The following TTC7B variants were observed in gnomAD, a reference collection of about 807,000 sequenced individuals.
TTC7B encodes the protein tetratricopeptide repeat protein 7B.
A neutral mutation model predicts 106.8 loss-of-function variants in TTC7B; 28 were observed. The observed-to-expected ratio is 0.26, with a 90% CI of 0.19 to 0.36. The LOEUF (loss-of-function observed/expected upper bound fraction) is 0.36. Ranked by LOEUF, TTC7B falls within the 10% of genes least tolerant of loss-of-function variation. TTC7B has a pLI of 1.00. For missense variants in TTC7B, 862 were observed against 1,076.4 expected, an observed-to-expected ratio of 0.80 and a Z score of 2.79; for synonymous variants, 405 against 430.6, an observed-to-expected ratio of 0.94 and a Z score of 0.74.
chr14:90,532,419 T>A lies in TTC7B; in HGVS notation c.*8949A>T, dbSNP rs1233348653. 2 of 152,162 alleles carry A rather than the reference T, an allele frequency of 1.3e-5. No homozygotes were observed. Among genetic ancestry groups the A allele is most frequent in the African/African-American group, 4.8e-5 (2 of 41,440 alleles). 9.4% of individuals were successfully genotyped at this position (152,162 alleles called of 1,614,324 possible). A position where few individuals can be genotyped will look rare whatever the true frequency, so the allele number is the denominator to read the frequency against. Reference sequence around the variant, plus strand: ...CAATGTGAGGATGGGCCAGCCCTTTTGCAAACTGGCTGGGCCTAGTCATCT... The same window carrying A: ...CAATGTGAGGATGGGCCAGCCCTTTAGCAAACTGGCTGGGCCTAGTCATCT... On this transcript the variant is annotated 3_prime_UTR_variant, in exon 20 of 20. Transcript: ENST00000328459.
At chr14:90,777,808 T>C (rs773232874) in intron 3 of TTC7B, among the ~76,000 whole-genome samples, 27 of 152,298 alleles carry the variant, frequency 1.8e-4, no homozygotes, top group Non-Finnish European at 3.5e-4. Context: ...GGCCCGCAAT[T>C]GCCCTGTTAG....
At chr14:90,776,500 C>T (rs181622588) in intron 3 of TTC7B, among the ~76,000 whole-genome samples, 4 of 152,202 alleles carry the variant, frequency 2.6e-5, no homozygotes, top group Admixed American at 6.5e-5. Context: ...TACTGTGCTA[C>T]GACAACATCA....
At chr14:90,700,410 A>G (rs1176451159) in intron 5 of TTC7B, among the ~76,000 whole-genome samples, 1 of 151,990 alleles carries the variant, frequency 6.6e-6, no homozygotes, top group Non-Finnish European at 1.5e-5. Context: ...ATATCTGTTC[A>G]CCAACCAAAC....
chr14:90,796,096 C>G (rs1891766727), intron 1 of TTC7B, among the ~76,000 whole-genome samples: 1 of 152,158 alleles, frequency 6.6e-6, no homozygotes, highest in African/African-American at 2.4e-5. Flanking sequence ...ATACCATCAG[C>G]CTCCAGAAGG....
chr14:90,705,817 T>C (rs1223295764), intron 5 of TTC7B, among the ~76,000 whole-genome samples: 1 of 152,206 alleles, frequency 6.6e-6, no homozygotes, highest in Non-Finnish European at 1.5e-5. Context: ...TCAAAATCGC[T>C]CCTACTTTAC....
rs150129890 is a variant in TTC7B at position 90,622,733 on chromosome 14, C to A, written c.1752-4688G>T. 5.9e-3 allele frequency among the ~76,000 whole-genome samples: 901 copies of A among 152,122 alleles called. 10 individuals are homozygous for A. The highest frequency in any genetic ancestry group is 0.02 in the African/African-American group (822 of 41,482). Reference sequence around the variant, plus strand: ...GGGTGAAAGAGTGAGACCCTGCCCCCACTTCCCCCCAAAAGAATTATTTTG... The same window carrying A: ...GGGTGAAAGAGTGAGACCCTGCCCCAACTTCCCCCCAAAAGAATTATTTTG... On this transcript the variant is annotated intron_variant, in intron 15 of 19. Transcript: ENST00000328459.
At chr14:90,653,156 T>C (rs1885802818) in intron 12 of TTC7B, among the ~76,000 whole-genome samples, 2 of 152,168 alleles carry the variant, frequency 1.3e-5, no homozygotes, top group South Asian at 4.1e-4. Flanking sequence ...CTCTTGGTAC[T>C]CCCAGGCATA....
intron 3 of TTC7B, among the ~76,000 whole-genome samples, chr14:90,753,352 T>C (rs1326021466): frequency 6.6e-6 from 1 of 152,166 alleles, no homozygotes; most frequent in Non-Finnish European, 1.5e-5. Flanking sequence ...CCCAGCCCCA[T>C]GGTATAGCCT....
At position 90,570,456 on chromosome 14, in the gene TTC7B, G is replaced by A. The variant is rs1176111011; in HGVS notation, c.2310+7650C>T. 6.6e-6 allele frequency among the ~76,000 whole-genome samples: 1 copy of A among 152,052 alleles called. No individual in the cohort carries two copies. The highest frequency in any genetic ancestry group is 2.4e-5 in the African/African-American group (1 of 41,396). On this transcript the variant is annotated intron_variant, in intron 19 of 19. Coordinates refer to ENST00000328459, the MANE Select transcript of TTC7B (RefSeq NM_001010854.2). This position sits in a 1 kb window ranked among gnomAD's most constrained non-coding sequence, Gnocchi z 4.0. Reference sequence around the variant, plus strand: ...TCCAACACTTTCTATCTCCGCCTAGGAACAAATCACCCCAGGGGCCTCCAC... The same window carrying A: ...TCCAACACTTTCTATCTCCGCCTAGAAACAAATCACCCCAGGGGCCTCCAC...
chr14:90,677,628 GC>G (rs1365536880), intron 8 of TTC7B, among the ~76,000 whole-genome samples: 3 of 151,992 alleles, frequency 2.0e-5, no homozygotes, highest in Non-Finnish European at 2.9e-5. Context: ...GCAGAGAAAG[GC>G]CCCCCCAGTC....
In TTC7B at chr14:90,536,995, A is replaced by G. The variant is rs1353887212; in HGVS notation, c.*4373T>C. 2 of 152,316 alleles carry G rather than the reference A, an allele frequency of 1.3e-5. No individual in the cohort carries two copies. The highest frequency in any genetic ancestry group is 4.8e-5 in the African/African-American group (2 of 41,434). The allele number at this position is 152,316 out of a possible 1,614,324, so 9.4% of individuals were successfully genotyped here. On this transcript the variant is annotated 3_prime_UTR_variant, in exon 20 of 20. Coordinates refer to ENST00000328459, the MANE Select transcript of TTC7B (RefSeq NM_001010854.2). Reference sequence around the variant, plus strand: ...GACGCAGTGACGGAGCAGAGGAAGGAAAGGTGACGTGAGGTGGCCACGAGC... The same window carrying G: ...GACGCAGTGACGGAGCAGAGGAAGGGAAGGTGACGTGAGGTGGCCACGAGC...
intron 19 of TTC7B, among the ~76,000 whole-genome samples, chr14:90,547,807 AG>A (rs1444104778): frequency 6.6e-6 from 1 of 151,528 alleles, no homozygotes; most frequent in Non-Finnish European, 1.5e-5. Flanking sequence ...CTCTTTTGGG[AG>A]ATTTTGGACA....
intron 5 of TTC7B, among the ~76,000 whole-genome samples, chr14:90,719,568 C>A (rs1173381126): frequency 6.6e-6 from 1 of 152,180 alleles, no homozygotes; most frequent in Non-Finnish European, 1.5e-5. Context: ...GGCAAACCTA[C>A]CCAATGTGAG....
intron 5 of TTC7B, among the ~76,000 whole-genome samples, chr14:90,710,202 AG>A (rs1200013534): frequency 6.6e-6 from 1 of 152,150 alleles, no homozygotes; most frequent in Non-Finnish European, 1.5e-5. Flanking sequence ...AATGACTTTG[AG>A]GGCTTCAAAT....
chr14:90,580,654 G>C (rs1477308440), intron 18 of TTC7B, among the ~76,000 whole-genome samples: 1 of 152,252 alleles, frequency 6.6e-6, no homozygotes, highest in African/African-American at 2.4e-5. Flanking sequence ...CTCCACACTT[G>C]TGTCAATTCT....
intron 4 of TTC7B, among the ~76,000 whole-genome samples, chr14:90,738,235 C>G (rs1008913608): frequency 2.6e-5 from 4 of 152,128 alleles, no homozygotes; most frequent in Non-Finnish European, 5.9e-5. Flanking sequence ...CTAGCAATTT[C>G]GGCAAAATAA....
chr14:90,737,223 G>A (rs1431061426), intron 4 of TTC7B, among the ~76,000 whole-genome samples: 1 of 152,050 alleles, frequency 6.6e-6, no homozygotes, highest in Non-Finnish European at 1.5e-5. Flanking sequence ...GACAAAAAAG[G>A]GTTAAACATA....
intron 9 of TTC7B, among the ~76,000 whole-genome samples, chr14:90,662,328 C>T (rs1231382775): frequency 1.3e-5 from 2 of 152,250 alleles, no homozygotes; most frequent in African/African-American, 4.8e-5. Context: ...GGGCCCTTGT[C>T]TCCCTGAATC....
At chr14:90,573,687 C>T (rs1939827197) in intron 19 of TTC7B, among the ~76,000 whole-genome samples, 1 of 152,222 alleles carries the variant, frequency 6.6e-6, no homozygotes, top group African/African-American at 2.4e-5. Flanking sequence ...GCCCACAGGC[C>T]TCTTCAAAGC....
Sources: gnomAD v4.1 joint callset for allele counts (sites outside exome capture counted in the v4.1 genomes callset) on GRCh38, gnomAD v4.1.1 for gene constraint, Gnocchi (gnomAD v3.1) non-coding constraint, MANE v1.5 for transcripts, NCBI Gene and HGNC (gene_info 2026-07-23, HGNC 2026-07-21) for gene names.